Variants in ABL2 observed in about 807,000 individuals in gnomAD.
ABL2 encodes ABL proto-oncogene 2, non-receptor tyrosine kinase.
Under a neutral mutation model 107.7 loss-of-function variants are expected in ABL2, and 49 were observed. The ratio of observed to expected loss-of-function variants is 0.45; its 90% CI spans 0.36 to 0.58. The LOEUF is 0.58. Among genes scored for constraint, ABL2 ranks in the 20% least tolerant of loss-of-function variants. The probability of loss-of-function intolerance (pLI) is 0.00; values close to 1 mark genes in which losing one functional copy is unlikely to be tolerated. For synonymous variants in ABL2, 549 were observed against 548.6 expected, an observed-to-expected ratio of 1.00 and a Z score of -0.01; for missense variants, 1,245 against 1,457.0, an observed-to-expected ratio of 0.85 and a Z score of 2.37.
chr1:179,126,741 T>C lies in ABL2; in HGVS notation c.392-69A>G. The C allele has an allele frequency of 7.1e-7, 1 of 1,414,032 alleles. No homozygotes were observed. The highest frequency in any genetic ancestry group is 9.5e-7 in the Non-Finnish European group (1 of 1,049,392). The allele number at this position is 1,414,032 out of a possible 1,614,324, so 87.6% of individuals were successfully genotyped here. ...CTTTATTTCAACTGAAGCAGTGTAC[T>C]GTCAAACTTTAAACTCATTAAAAAA... On this transcript the variant is annotated intron_variant, in intron 3 of 11. Coordinates refer to ENST00000502732, the MANE Select transcript of ABL2 (RefSeq NM_007314.4). This position sits in a 1 kb window ranked among gnomAD's most constrained non-coding sequence, Gnocchi z 4.4.
chr1:179,104,057 T>A lies in ABL2; in HGVS notation c.*3661A>T, dbSNP rs961631687. 3 of 233,128 alleles carry A rather than the reference T, an allele frequency of 1.3e-5. No individual in the cohort carries two copies. The highest frequency in any genetic ancestry group is 6.6e-5 in the African/African-American group (3 of 45,298). 14.4% of individuals were successfully genotyped at this position (233,128 alleles called of 1,614,324 possible). On this transcript the variant is annotated 3_prime_UTR_variant, in exon 12 of 12. Coordinates refer to ENST00000502732, the MANE Select transcript of ABL2 (RefSeq NM_007314.4). ...CGTCAGTTTTTTTTGTTTGTTTTGT[T>A]TTGTTTTTTAACCCTAGGGGATTCT...
At chr1:179,229,203 T>G (rs762763975) in intron 1 of ABL2, 38 bp downstream of exon 1, 9 of 484,070 alleles carry the variant, frequency 1.9e-5, no homozygotes, top group Non-Finnish European at 2.4e-5. Flanking sequence ...ACCCCCGGCC[T>G]CCCCCACGCT....
rs1248774615 is a variant in ABL2, at chr1:179,170,430, T to G, written c.158-37056A>C. Among the ~76,000 whole-genome samples the G allele has an allele frequency of 3.3e-5, 5 of 152,224 alleles. No individual in the cohort carries two copies. In the East Asian group the frequency reaches 9.7e-4, roughly 29 times the overall value. On this transcript the variant is annotated intron_variant, in intron 1 of 11. Coordinates refer to ENST00000502732, the MANE Select transcript of ABL2 (RefSeq NM_007314.4). ...CCAAACATTAAAGAATGCTTTTTTT[T>G]TTTTGAGTCAGACTCTTATTCTGTC...
Position 179,110,692 on chromosome 1 carries a change from G to T in ABL2, c.1652-237C>A, listed in dbSNP as rs371806969. 4 of 1,588,974 alleles carry T rather than the reference G, an allele frequency of 2.5e-6. No individual in the cohort carries two copies. In the East Asian group the frequency reaches 9.0e-5, roughly 36 times the overall value. On this transcript the variant is annotated intron_variant, in intron 10 of 11. Coordinates refer to ENST00000502732, the MANE Select transcript of ABL2 (RefSeq NM_007314.4). ...TCTCATTGCTGTGTAGCATGCCAAC[G>T]TGTGAATATACCACAATCCACCTGT...
At chr1:179,193,880 C>T (rs1661161302) in intron 1 of ABL2, among the ~76,000 whole-genome samples, 1 of 151,994 alleles carries the variant, frequency 6.6e-6, no homozygotes, top group Non-Finnish European at 1.5e-5. Context: ...TACAGACGCC[C>T]GCCACCATGT....
intron 5 of ABL2, 78 bp downstream of exon 5, chr1:179,121,517 G>A: frequency 6.5e-7 from 1 of 1,537,958 alleles, no homozygotes; most frequent in Non-Finnish European, 8.8e-7. Context: ...CAAAGTTAAA[G>A]AAGGGCATGC....
intron 1 of ABL2, among the ~76,000 whole-genome samples, chr1:179,181,946 A>ATTTTTTT (rs34828452): frequency 5.4e-4 from 49 of 91,184 alleles, no homozygotes; most frequent in Admixed American, 6.0e-4. Flanking sequence ...AGGCCCGGCT[A>ATTTTTTT]TTTTTTTTTT....
At chr1:179,148,318 G>A (rs72709463) in intron 1 of ABL2, among the ~76,000 whole-genome samples, 3,359 of 152,112 alleles carry the variant, frequency 0.022, 67 homozygotes, top group Middle Eastern at 0.054. Flanking sequence ...TGGTATTACG[G>A]GTGTGAACCA....
At chr1:179,138,834 G>A (rs1657287995) in intron 1 of ABL2, among the ~76,000 whole-genome samples, 1 of 152,260 alleles carries the variant, frequency 6.6e-6, no homozygotes, top group South Asian at 2.1e-4. Flanking sequence ...GCAGGGAGGT[G>A]TGGAGGGAGA....
At chr1:179,130,386 T>C (rs1300425179) in intron 3 of ABL2, among the ~76,000 whole-genome samples, 2 of 152,228 alleles carry the variant, frequency 1.3e-5, no homozygotes, top group Admixed American at 6.5e-5. Context: ...CAACTAAATG[T>C]AAACCAACTA....
chr1:179,198,590 G>A (rs1438790458), intron 1 of ABL2, among the ~76,000 whole-genome samples: 1 of 149,896 alleles, frequency 6.7e-6, no homozygotes, highest in Admixed American at 6.7e-5. Context: ...CTACCCAGGA[G>A]GCTGAGGCAA....
At chr1:179,184,678 GA>G in intron 1 of ABL2, 1 of 463,726 alleles carries the variant, frequency 2.2e-6, no homozygotes. Flanking sequence ...ACAGTAGGGT[GA>G]AGGAGAAGAT....
At chr1:179,181,745 C>T (rs758844604) in intron 1 of ABL2, among the ~76,000 whole-genome samples, 26 of 152,004 alleles carry the variant, frequency 1.7e-4, no homozygotes, top group African/African-American at 2.4e-4. Context: ...ATCTACTGAC[C>T]GCTATCTTTG....
At chr1:179,181,946 A>ATTTTTTTTTTTTT (rs34828452) in intron 1 of ABL2, among the ~76,000 whole-genome samples, 329 of 91,160 alleles carry the variant, frequency 3.6e-3, no homozygotes, top group Non-Finnish European at 4.5e-3. Context: ...AGGCCCGGCT[A>ATTTTTTTTTTTTT]TTTTTTTTTT....
At chr1:179,154,218 C>A (rs1480037108) in intron 1 of ABL2, among the ~76,000 whole-genome samples, 3 of 152,190 alleles carry the variant, frequency 2.0e-5, no homozygotes. Context: ...ACAAGTTCCC[C>A]AAGTCAAATA....
chr1:179,121,639 C>T lies in ABL2; in HGVS notation c.916G>A (p.Val306Ile), dbSNP rs200847097. 1.5e-5 allele frequency: 24 copies of T among 1,614,224 alleles called. No homozygotes were observed. Among genetic ancestry groups the T allele is most frequent in the East Asian group, 1.3e-4 (6 of 44,882 alleles). Reference sequence around the variant, plus strand: ...ACTGTAAGGCTGTATTTCTTCCAGACGCCAACGTAAACCTCTCCATACTGA... The same window carrying T: ...ACTGTAAGGCTGTATTTCTTCCAGATGCCAACGTAAACCTCTCCATACTGA... ...GGQYGEVYVG[V>I]WKKYSLTVAV... Residue 306 changes from valine (V) to isoleucine (I), a missense_variant, in exon 5 of 12, where the codon GTC becomes ATC. Val to Ile is a conservative substitution (Grantham distance 29). Transcript: ENST00000502732.
intron 1 of ABL2, among the ~76,000 whole-genome samples, chr1:179,200,246 C>T (rs1366823015): frequency 6.6e-6 from 1 of 151,262 alleles, no homozygotes; most frequent in Non-Finnish European, 1.5e-5. Context: ...GGGGTTTTGC[C>T]ATGTTGGCCA....
intron 2 of ABL2, among the ~76,000 whole-genome samples, chr1:179,132,789 G>A (rs908893310): frequency 1.1e-4 from 16 of 151,128 alleles, no homozygotes; most frequent in Non-Finnish European, 2.2e-4. Context: ...TGATCCACCC[G>A]CCTCAGCCTC....
At chr1:179,187,010 T>C (rs73044744) in intron 1 of ABL2, among the ~76,000 whole-genome samples, 14,366 of 152,198 alleles carry the variant, frequency 0.094, 712 homozygotes, top group African/African-American at 0.12. Context: ...GGGATTACTG[T>C]TGTGAGCCAC....
Sources: allele counts gnomAD v4.1 joint callset (sites outside exome capture counted in the v4.1 genomes callset), GRCh38; gene constraint gnomAD v4.1.1; non-coding constraint Gnocchi (gnomAD v3.1); transcripts MANE v1.5; gene names NCBI Gene and HGNC (gene_info 2026-07-23, HGNC 2026-07-21).